RUNX2: variants seen among roughly 807,000 people sequenced by gnomAD.
The protein encoded by RUNX2 is RUNX family transcription factor 2.
Under a neutral mutation model 51.7 loss-of-function variants are expected in RUNX2, and 10 were observed. The ratio of observed to expected loss-of-function variants is 0.19; its 90% CI spans 0.12 to 0.33. RUNX2 has a LOEUF of 0.33. Ranked by LOEUF, RUNX2 falls within the 10% of genes least tolerant of loss-of-function variation. The probability of loss-of-function intolerance (pLI) is 1.00; values close to 1 mark genes in which losing one functional copy is unlikely to be tolerated. For missense variants in RUNX2, 562 were observed against 691.3 expected (o/e 0.81, Z 2.10); for synonymous variants, 276 against 273.6 (o/e 1.01, Z -0.09).
At chr6:45,461,175 T>C (rs1799466407) in intron 5 of RUNX2, among the ~76,000 whole-genome samples, 1 of 152,150 alleles carries the variant, frequency 6.6e-6, no homozygotes, top group Non-Finnish European at 1.5e-5. Flanking sequence ...AGGCTAATGA[T>C]GCAGGGCTGT....
chr6:45,451,062 A>C (rs1361500310), intron 5 of RUNX2, among the ~76,000 whole-genome samples: 1 of 152,238 alleles, frequency 6.6e-6, no homozygotes, highest in African/African-American at 2.4e-5. Context: ...AGGATAACAC[A>C]TTCTAAGCCA....
At chr6:45,342,888 G>GA (rs1481081762) in intron 2 of RUNX2, among the ~76,000 whole-genome samples, 2 of 152,124 alleles carry the variant, frequency 1.3e-5, no homozygotes, top group East Asian at 3.8e-4. Context: ...GTATTCTCAT[G>GA]AAAACCATAG....
At chr6:45,481,786 A>AG (rs1253068260) in intron 5 of RUNX2, among the ~76,000 whole-genome samples, 1 of 152,180 alleles carries the variant, frequency 6.6e-6, no homozygotes, top group Non-Finnish European at 1.5e-5. Context: ...CAGGCAGTTT[A>AG]GGGGACTGCC....
chr6:45,466,673 C>T (rs1392761217), intron 5 of RUNX2, among the ~76,000 whole-genome samples: 7 of 152,182 alleles, frequency 4.6e-5, no homozygotes, highest in Admixed American at 6.5e-5. Flanking sequence ...AGTAGGAGTA[C>T]GTAATTTATC....
intron 7 of RUNX2, among the ~76,000 whole-genome samples, chr6:45,541,508 T>A (rs539475789): frequency 6.6e-6 from 1 of 152,230 alleles, no homozygotes; most frequent in Non-Finnish European, 1.5e-5. Context: ...TGAGAGGGGT[T>A]AATAAAACGT....
intron 5 of RUNX2, among the ~76,000 whole-genome samples, chr6:45,471,530 C>T (rs1410078182): frequency 6.6e-6 from 1 of 151,500 alleles, no homozygotes; most frequent in Non-Finnish European, 1.5e-5. Context: ...CTGCAAGCTC[C>T]GCCTCCCAGG....
chr6:45,381,784 G>A (rs1266367719), intron 2 of RUNX2, among the ~76,000 whole-genome samples: 1 of 152,206 alleles, frequency 6.6e-6, no homozygotes, highest in Non-Finnish European at 1.5e-5. Context: ...CAAATATGCT[G>A]ATGCACTGCA....
chr6:45,364,954 A>T (rs1442252240), intron 2 of RUNX2, among the ~76,000 whole-genome samples: 1 of 152,190 alleles, frequency 6.6e-6, no homozygotes, highest in Non-Finnish European at 1.5e-5. Context: ...TGTCCACCTG[A>T]TTATTCATTC....
At chr6:45,442,788 T>C (rs1798877926) in intron 5 of RUNX2, among the ~76,000 whole-genome samples, 1 of 152,184 alleles carries the variant, frequency 6.6e-6, no homozygotes, top group Non-Finnish European at 1.5e-5. Context: ...TGCAATCAGA[T>C]AGTGGCTGGT....
chr6:45,466,547 A>G (rs1761775132), intron 5 of RUNX2, among the ~76,000 whole-genome samples: 2 of 152,154 alleles, frequency 1.3e-5, no homozygotes, highest in African/African-American at 4.8e-5. Context: ...TGGTTGTGTG[A>G]TGATCTTTCA....
chr6:45,387,282 G>T (rs1038344913), intron 2 of RUNX2, among the ~76,000 whole-genome samples: 4 of 152,154 alleles, frequency 2.6e-5, no homozygotes, highest in African/African-American at 7.2e-5. Context: ...ATGACAAGTA[G>T]CAAACTGGAA....
At chr6:45,471,892 A>G (rs188249585) in intron 5 of RUNX2, among the ~76,000 whole-genome samples, 47 of 152,238 alleles carry the variant, frequency 3.1e-4, no homozygotes, top group African/African-American at 1.1e-3. Flanking sequence ...TGAAGGGCAT[A>G]TAGTAGAGGC....
chr6:45,464,792 A>G (rs1368402642), intron 5 of RUNX2, among the ~76,000 whole-genome samples: 8 of 152,216 alleles, frequency 5.3e-5, no homozygotes, highest in Admixed American at 5.2e-4. Context: ...AACCATAGGT[A>G]TTTAACTGTG....
intron 5 of RUNX2, among the ~76,000 whole-genome samples, chr6:45,474,952 C>T (rs1418579270): frequency 6.6e-6 from 1 of 151,848 alleles, no homozygotes; most frequent in African/African-American, 2.4e-5. Context: ...TCTGGCCCAT[C>T]ACATGGGCTA....
At chr6:45,471,611 A>T (rs945334149) in intron 5 of RUNX2, among the ~76,000 whole-genome samples, 2 of 151,758 alleles carry the variant, frequency 1.3e-5, no homozygotes, top group Non-Finnish European at 2.9e-5. Context: ...CGCCCAGCTA[A>T]TTTTTTGTAT....
At chr6:45,542,997 G>T (rs1297115194) in intron 7 of RUNX2, among the ~76,000 whole-genome samples, 2 of 152,148 alleles carry the variant, frequency 1.3e-5, no homozygotes, top group African/African-American at 2.4e-5. Context: ...CCAGCATAAA[G>T]GAGTATTTGA....
At chr6:45,406,253 G>A (rs1797831967) in intron 2 of RUNX2, among the ~76,000 whole-genome samples, 1 of 152,094 alleles carries the variant, frequency 6.6e-6, no homozygotes, top group Non-Finnish European at 1.5e-5. Context: ...CATAGCATAG[G>A]AATCCCTCTG....
intron 5 of RUNX2, among the ~76,000 whole-genome samples, chr6:45,485,594 G>A (rs1330717446): frequency 6.6e-6 from 1 of 151,158 alleles, no homozygotes; most frequent in Non-Finnish European, 1.5e-5. Flanking sequence ...AAAGTGGTTT[G>A]AAGAATGGTG....
At chr6:45,423,076 C>G (rs1260287181) in intron 3 of RUNX2, 119 bp downstream of exon 3, 7 of 1,378,006 alleles carry the variant, frequency 5.1e-6, no homozygotes, top group South Asian at 1.3e-5. Flanking sequence ...CTTGGCGGCT[C>G]TAACCCCAGA....
Sources: allele counts gnomAD v4.1 joint callset (sites outside exome capture counted in the v4.1 genomes callset), GRCh38; gene constraint gnomAD v4.1.1; transcripts MANE v1.5; gene names NCBI Gene and HGNC (gene_info 2026-07-23, HGNC 2026-07-21).